SRFBP1: variants seen among roughly 807,000 people sequenced by gnomAD.
The protein encoded by SRFBP1 is serum response factor-binding protein 1.
A neutral mutation model predicts 45.5 loss-of-function variants in SRFBP1; 47 were observed. The ratio of observed to expected loss-of-function variants is 1.03; its 90% confidence interval spans 0.82 to 1.32. The LOEUF (loss-of-function observed/expected upper bound fraction) is 1.32. SRFBP1 is among the 40% of genes most tolerant of loss of function. The pLI is 0.00. For missense variants in SRFBP1, 621 were observed against 484.6 expected, an observed-to-expected ratio of 1.28 and a Z score of -2.64; for synonymous variants, 203 against 166.3, an observed-to-expected ratio of 1.22 and a Z score of -1.70.
intron 4 of SRFBP1, among the ~76,000 whole-genome samples, chr5:122,009,497 T>G (rs536482559): frequency 4.2e-4 from 64 of 152,340 alleles, no homozygotes; most frequent in Admixed American, 7.2e-4. Context: ...TTTTAAGTTC[T>G]TTTTGAAACT....
intron 2 of SRFBP1, among the ~76,000 whole-genome samples, chr5:122,071,859 G>A (rs998153296): frequency 2.6e-5 from 4 of 152,090 alleles, no homozygotes; most frequent in African/African-American, 9.7e-5. Context: ...GAAGAGCAGG[G>A]GAGAATTGTG....
At chr5:121,977,845 A>G (rs545326650) in intron 3 of SRFBP1, among the ~76,000 whole-genome samples, 2 of 152,272 alleles carry the variant, frequency 1.3e-5, no homozygotes, top group South Asian at 4.1e-4. Context: ...AATTGGCTTG[A>G]TCTTTACACT....
At chr5:121,996,145 CCT>C (rs1427294363) in intron 4 of SRFBP1, among the ~76,000 whole-genome samples, 49 of 147,590 alleles carry the variant, frequency 3.3e-4, no homozygotes, top group African/African-American at 1.2e-3. Flanking sequence ...AAGAGGGAAT[CCT>C]CCCTAACTCA....
At chr5:121,976,198 A>C (rs930127003) in intron 3 of SRFBP1, among the ~76,000 whole-genome samples, 1 of 152,042 alleles carries the variant, frequency 6.6e-6, no homozygotes, top group African/African-American at 2.4e-5. Context: ...ACGGATAGTA[A>C]AGTGTTTAAT....
chr5:122,075,478 T>C lies in SRFBP1; in HGVS notation n.475T>C, dbSNP rs746501512. The C allele has an allele frequency of 3.1e-6, 5 of 1,613,458 alleles. No individual in the cohort carries two copies. The highest frequency in any genetic ancestry group is 1.7e-5 in the Admixed American group (1 of 59,982). Reference sequence around the variant, plus strand: ...AATCTGATGTCCCTTGGTTTTTCACTCTTTGGGGAAATCTGAGCAGCACCC... The same window carrying C: ...AATCTGATGTCCCTTGGTTTTTCACCCTTTGGGGAAATCTGAGCAGCACCC... On this transcript the variant is annotated non_coding_transcript_exon_variant, in exon 3 of 3. Transcript: ENST00000504881.
In SRFBP1 at chr5:122,020,466, C is replaced by G. The variant is rs778418167; in HGVS notation, c.731C>G (p.Ser244Cys). 6.2e-6 allele frequency: 10 copies of G among 1,614,074 alleles called. No individual in the cohort carries two copies. Among genetic ancestry groups the G allele is most frequent in the Admixed American group, 1.7e-5 (1 of 60,024 alleles). The change falls in exon 6 of 8, where the codon TCT becomes TGT. Residue 244 changes from serine to cysteine, a missense_variant. Coordinates refer to ENST00000339397, the MANE Select transcript of SRFBP1 (RefSeq NM_152546.3). ...KKNKGSDSSL[S>C]GNSDGGEEFC... The stretch of plus-strand genomic sequence containing the variant: ...AACAAAGGATCTGATAGCTCACTCT[C>G]TGGTAACAGTGATGGCGGAGAAGAA...
At chr5:121,975,488 G>T (rs1335894780) in intron 3 of SRFBP1, 101 bp downstream of exon 3, 1 of 1,259,808 alleles carries the variant, frequency 7.9e-7, no homozygotes, top group Admixed American at 1.7e-5. Context: ...ATTCCCGAGA[G>T]TTGCGTAAGA....
Position 122,020,363 on chromosome 5 carries a change from A to G in SRFBP1, c.628A>G (p.Lys210Glu), listed in dbSNP as rs1026459228. Reference protein sequence around the residue: ...IANSPSKPSEKDSVVSLESQK... With the variant: ...IANSPSKPSEEDSVVSLESQK... ...AAATTCTCCATCAAAGCCTTCAGAA[A>G]AGGATTCTGTAGTTTCCCTTGAGTC... Residue 210 changes from lysine (K) to glutamate (E), a missense_variant, in exon 6 of 8, where the codon AAG becomes GAG. Coordinates refer to ENST00000339397, the MANE Select transcript of SRFBP1 (RefSeq NM_152546.3). 6.2e-7 allele frequency: 1 copy of G among 1,614,118 alleles called. No homozygotes were observed. The highest frequency in any genetic ancestry group is 8.5e-7 in the Non-Finnish European group (1 of 1,180,000).
intron 2 of SRFBP1, among the ~76,000 whole-genome samples, chr5:122,060,545 C>T (rs1165117338): frequency 6.6e-6 from 1 of 152,008 alleles, no homozygotes; most frequent in Admixed American, 6.6e-5. Context: ...GTAGTATCTA[C>T]AACGACTGGG....
chr5:121,967,014 C>T (rs1008483294), intron 1 of SRFBP1, among the ~76,000 whole-genome samples: 1 of 146,530 alleles, frequency 6.8e-6, no homozygotes, highest in Non-Finnish European at 1.5e-5. Context: ...AGGATGGTCT[C>T]GATCTCCTGA....
At chr5:121,990,831 T>C (rs1039656354) in intron 3 of SRFBP1, among the ~76,000 whole-genome samples, 7 of 152,228 alleles carry the variant, frequency 4.6e-5, no homozygotes, top group African/African-American at 1.2e-4. Context: ...TCTTATTGCC[T>C]GACCACGTTC....
chr5:122,007,633 C>T (rs1286809675), intron 4 of SRFBP1, among the ~76,000 whole-genome samples: 1 of 151,796 alleles, frequency 6.6e-6, no homozygotes, highest in Non-Finnish European at 1.5e-5. Flanking sequence ...CCTGTGTAGA[C>T]AGGAGCGGTC....
At chr5:121,965,918 A>G (rs1752054323) in intron 1 of SRFBP1, among the ~76,000 whole-genome samples, 2 of 151,996 alleles carry the variant, frequency 1.3e-5, no homozygotes, top group Admixed American at 1.3e-4. Context: ...TGTAAGTTGT[A>G]TTTCTAGGCA....
chr5:122,054,476 C>G (rs1013697584), intron 2 of SRFBP1, among the ~76,000 whole-genome samples: 8 of 152,130 alleles, frequency 5.3e-5, no homozygotes, highest in African/African-American at 1.9e-4. Flanking sequence ...TTCACTAGCT[C>G]TTTTGTTTCC....
intron 4 of SRFBP1, among the ~76,000 whole-genome samples, chr5:122,017,455 T>C (rs1753213688): frequency 1.3e-5 from 2 of 152,186 alleles, no homozygotes; most frequent in African/African-American, 4.8e-5. Flanking sequence ...ATTCTTCTCC[T>C]TATAAGGAAA....
intron 3 of SRFBP1, among the ~76,000 whole-genome samples, chr5:121,977,444 A>G (rs937294963): frequency 6.6e-6 from 1 of 152,086 alleles, no homozygotes; most frequent in African/African-American, 2.4e-5. Context: ...TACGTGTCAA[A>G]TTTTATTCCT....
In SRFBP1 at chr5:122,027,291, G is replaced by A; in HGVS notation, c.*165G>A. On this transcript the variant is annotated 3_prime_UTR_variant, in exon 8 of 8. Coordinates refer to ENST00000339397, the MANE Select transcript of SRFBP1 (RefSeq NM_152546.3). ...TCCTCCCACCTCTGCCTCCCAAAGG[G>A]CTGGGACTGCAGGTGCATGCACTAC... 2 of 533,622 alleles carry A rather than the reference G, an allele frequency of 3.7e-6. No individual in the cohort carries two copies. The highest frequency in any genetic ancestry group is 6.5e-6 in the Non-Finnish European group (2 of 307,534). 33.1% of individuals were successfully genotyped at this position (533,622 alleles called of 1,614,324 possible). A position where few individuals can be genotyped will look rare whatever the true frequency, so the allele number is the denominator to read the frequency against.
chr5:121,994,553 A>G (rs1752680303), intron 3 of SRFBP1, 46 bp from the exon 4 acceptor site: 2 of 1,302,516 alleles, frequency 1.5e-6, no homozygotes, highest in South Asian at 2.6e-5. Context: ...TAATAGTGAT[A>G]AAAATAGACA....
chr5:122,035,895 C>T (rs1753686721), intron 2 of SRFBP1, among the ~76,000 whole-genome samples: 1 of 152,172 alleles, frequency 6.6e-6, no homozygotes, highest in Non-Finnish European at 1.5e-5. Context: ...ATTTTATTTG[C>T]ACTGAGCAAG....
Sources: allele counts gnomAD v4.1 joint callset (sites outside exome capture counted in the v4.1 genomes callset), GRCh38; gene constraint gnomAD v4.1.1; transcripts MANE v1.5; gene names NCBI Gene and HGNC (gene_info 2026-07-23, HGNC 2026-07-21).